ENGASE: variants seen among roughly 807,000 people sequenced by gnomAD.
ENGASE encodes the protein cytosolic endo-beta-N-acetylglucosaminidase.
In ENGASE, 69 loss-of-function variants were observed where a neutral mutation model predicts 78.5. The observed-to-expected ratio is 0.88, with a 90% CI of 0.72 to 1.07. The LOEUF is 1.07. Among genes scored for constraint, ENGASE ranks in the 50% least tolerant of loss-of-function variants. ENGASE has a pLI of 0.00. For missense variants in ENGASE, 943 were observed against 988.4 expected (o/e 0.95, Z 0.62); for synonymous variants, 408 against 408.9 (o/e 1.00, Z 0.03).
At chr17:79,085,174 C>CTT (rs1276361963) in intron 11 of ENGASE, 60 bp from the exon 12 acceptor site, 107 of 1,395,708 alleles carry the variant, frequency 7.7e-5, no homozygotes, top group Non-Finnish European at 1.0e-4. Context: ...CTTGGTGGTC[C>CTT]TTCTCAGTGC....
intron 1 of ENGASE, among the ~76,000 whole-genome samples, chr17:79,076,257 C>T (rs535968837): frequency 3.3e-5 from 5 of 152,214 alleles, no homozygotes; most frequent in Admixed American, 1.3e-4. Context: ...TGTCTTCTTA[C>T]TGCTCCTAAA....
chr17:79,082,913 C>G (rs745574859), intron 7 of ENGASE, 107 bp from the exon 8 acceptor site: 1 of 1,571,288 alleles, frequency 6.4e-7, no homozygotes, highest in East Asian at 2.3e-5. Flanking sequence ...CAGCTTCCCC[C>G]TCCCGTTTCT....
At position 79,080,379 on chromosome 17, in the gene ENGASE, C is replaced by G. The variant is rs112600989; in HGVS notation, c.723+15C>G. The G allele has an allele frequency of 6.4e-4, 1,034 of 1,610,970 alleles. 5 individuals are homozygous for G. The African/African-American group carries it at 0.011, about 17-fold the overall frequency. ...ACTCGCTGAGTGTGAGTGCCCAGCCCTCACCCACCTCCCCGCCCCTTGCTG... is the reference window on the plus strand; with the variant it reads ...ACTCGCTGAGTGTGAGTGCCCAGCCGTCACCCACCTCCCCGCCCCTTGCTG... On this transcript the variant is annotated intron_variant, in intron 5 of 13. Coordinates refer to ENST00000579016, the MANE Select transcript of ENGASE (RefSeq NM_001042573.3).
Position 79,077,448 on chromosome 17 carries a change from A to G in ENGASE, c.165A>G (p.Glu55=), listed in dbSNP as rs369137518. Residue 55 remains glutamate (E), a synonymous_variant, in exon 2 of 14, where the codon GAA becomes GAG. Coordinates refer to ENST00000579016, the MANE Select transcript of ENGASE (RefSeq NM_001042573.3). ...TGCTTAGCATCAAAGATGAAGAAGA[A>G]GAGACAGTCTTTCGAGAGGTGGTCA... The part of the protein sequence containing the change: ...RPGRSIKDEE[E]ETVFREVVSF... 1 of 1,588,842 alleles carries G rather than the reference A, an allele frequency of 6.3e-7. No individual in the cohort carries two copies. Among genetic ancestry groups the G allele is most frequent in the African/African-American group, 1.4e-5 (1 of 73,374 alleles).
rs2073307898 is a variant in ENGASE at position 79,086,307 on chromosome 17, C to CGAGTGG, written c.2192_2197dup (p.Glu731_Trp732dup). ...AGGAAGGGTTCCGGGTACCTCAGGC[C>CGAGTGG]GAGTGGGGCAGGGCAGTTCTGCTTT... On this transcript the variant is annotated inframe_insertion, in exon 14 of 14. Coordinates refer to ENST00000579016, the MANE Select transcript of ENGASE (RefSeq NM_001042573.3). The CGAGTGG allele has an allele frequency of 6.2e-7, 1 of 1,613,420 alleles. No individual in the cohort carries two copies. Among genetic ancestry groups the CGAGTGG allele is most frequent in the Non-Finnish European group, 8.5e-7 (1 of 1,180,052 alleles).
rs759204219 is a variant in ENGASE, at chr17:79,087,934, G to T, written c.*1585G>T. ...AGCAGAGACTGGGATTAGGGGTTCT[G>T]TGCTCTTGCCTAATTAGGAACATTC... On this transcript the variant is annotated 3_prime_UTR_variant, in exon 14 of 14. Coordinates refer to ENST00000579016, the MANE Select transcript of ENGASE (RefSeq NM_001042573.3). 2 of 152,194 alleles carry T rather than the reference G, an allele frequency of 1.3e-5. No homozygotes were observed. The highest frequency in any genetic ancestry group is 2.4e-5 in the African/African-American group (1 of 41,432). 9.4% of individuals were successfully genotyped at this position (152,194 alleles called of 1,614,324 possible). A position where few individuals can be genotyped will look rare whatever the true frequency, so the allele number is the denominator to read the frequency against.
rs747534138 is a variant in ENGASE, at chr17:79,085,987, A to G, written c.1870A>G (p.Ile624Val). 7 of 1,609,514 alleles carry G rather than the reference A, an allele frequency of 4.3e-6. No individual in the cohort carries two copies. The highest frequency in any genetic ancestry group is 5.9e-6 in the Non-Finnish European group (7 of 1,179,912). ...TCTGCCCCAGGTGCAGGCCGTCACC[A>G]TCTCTCACATCCGCTGGCAGCCATC... ...APLPQVQAVT[I>V]SHIRWQPSAS... The change falls in exon 14 of 14, where the codon ATC becomes GTC. Residue 624 changes from isoleucine (I) to valine (V), a missense_variant. By Grantham distance (29) the Ile-to-Val change is conservative. Coordinates refer to ENST00000579016, the MANE Select transcript of ENGASE (RefSeq NM_001042573.3).
At chr17:79,077,933 C>CTGGTGGGGG in intron 3 of ENGASE, 69 bp downstream of exon 3, 1 of 467,852 alleles carries the variant, frequency 2.1e-6, no homozygotes, top group Non-Finnish European at 4.0e-6. Context: ...GCTGGAGGGG[C>CTGGTGGGGG]GGGAGAGAGT....
rs546434303 is a variant in ENGASE, at chr17:79,082,454, G to C, written c.1038+391G>C. On this transcript the variant is annotated intron_variant, in intron 7 of 13. Transcript: ENST00000579016. ...CTCACTGCGGCTCAGGGGCGAGGAC[G>C]GGGGAGGTGCCCAGGGTTTGGGGAT... is the stretch of plus-strand genomic sequence containing the variant. 7 of 1,210,494 alleles carry C rather than the reference G, an allele frequency of 5.8e-6. No individual in the cohort carries two copies. In the East Asian group the frequency reaches 3.3e-4, roughly 57 times the overall value. The allele number at this position is 1,210,494 out of a possible 1,614,324, so 75.0% of individuals were successfully genotyped here. A position where few individuals can be genotyped will look rare whatever the true frequency, so the allele number is the denominator to read the frequency against.
rs915038629 is a variant in ENGASE at position 79,079,612 on chromosome 17, C to T, written c.540C>T (p.Ala180=). 1 of 1,613,814 alleles carries T rather than the reference C, an allele frequency of 6.2e-7. No homozygotes were observed. Among genetic ancestry groups the T allele is most frequent in the Non-Finnish European group, 8.5e-7 (1 of 1,179,950 alleles). ...TIPPVGWTNT[A]HRHGVCVLGT... The stretch of plus-strand genomic sequence containing the variant: ...CCCCAGTGGGCTGGACCAACACTGC[C>T]CACAGGCATGGGGTCTGCGTGCTGG... The change falls in exon 4 of 14, where the codon GCC becomes GCT. Residue 180 remains alanine, a synonymous_variant. Transcript: ENST00000579016.
rs2073206729 is a variant in ENGASE, at chr17:79,083,581, C to T, written c.1242C>T (p.Cys414=). 1 of 1,613,818 alleles carries T rather than the reference C, an allele frequency of 6.2e-7. No individual in the cohort carries two copies. Residue 414 remains cysteine, a synonymous_variant, in exon 9 of 14, where the codon TGC becomes TGT. Transcript: ENST00000579016. This position sits in a 1 kb window ranked among gnomAD's most constrained non-coding sequence, Gnocchi z 4.9. ...FCLGMGARRV[C]YGQEEAVGPW... ...TGGGCATGGGTGCACGGAGGGTCTG[C>T]TATGGCCAGGTGGGTGGGTGTCTTC...
Position 79,083,489 on chromosome 17 carries a change from G to A in ENGASE, c.1150G>A (p.Gly384Ser). Residue 384 changes from glycine to serine, a missense_variant, in exon 9 of 14, where the codon GGC (glycine) becomes AGC (serine). Physicochemically the swap from Gly to Ser is moderately conservative, Grantham distance 56. Coordinates refer to ENST00000579016, the MANE Select transcript of ENGASE (RefSeq NM_001042573.3). The surrounding 1 kb of genome is among the most constrained non-coding windows in gnomAD (Gnocchi z 4.9). ...DFFQNQDKFW[G>S]RLERYLPTHS... ...CCCCCATGTCTCTGGCAGGTTCTGG[G>A]GCCGACTGGAGCGTTATCTGCCCAC... 6.2e-7 allele frequency: 1 copy of A among 1,613,988 alleles called. No individual in the cohort carries two copies. Among genetic ancestry groups the A allele is most frequent in the Non-Finnish European group, 8.5e-7 (1 of 1,179,886 alleles).
Position 79,086,005 on chromosome 17 carries a change from C to T in ENGASE, c.1888C>T (p.Gln630Ter). The T allele has an allele frequency of 6.2e-7, 1 of 1,611,522 alleles. No homozygotes were observed. Reference protein sequence around the residue: ...QAVTISHIRWQPSASEREGPP... With the variant: ...QAVTISHIRW Reference sequence around the variant, plus strand: ...CGTCACCATCTCTCACATCCGCTGGCAGCCATCCGCCTCTGAGCGGGAGGG... The same window carrying T: ...CGTCACCATCTCTCACATCCGCTGGTAGCCATCCGCCTCTGAGCGGGAGGG... The change falls in exon 14 of 14, where the codon CAG (glutamine) becomes TAG (stop). Residue 630 changes from glutamine to a stop codon, truncating the protein, a stop_gained. Transcript: ENST00000579016. LOFTEE classifies it low-confidence loss of function (END_TRUNC).
At position 79,086,424 on chromosome 17, in the gene ENGASE, T is replaced by C; in HGVS notation, c.*75T>C. On this transcript the variant is annotated 3_prime_UTR_variant, in exon 14 of 14. Coordinates refer to ENST00000579016, the MANE Select transcript of ENGASE (RefSeq NM_001042573.3). ...CCGGCTGTCTGCCCCTGGCCTGCGC[T>C]GGACCTGCTAAGTGCCCACAGTGGC... The C allele has an allele frequency of 1.3e-6, 2 of 1,505,200 alleles. No individual in the cohort carries two copies. The allele number at this position is 1,505,200 out of a possible 1,614,324, so 93.2% of individuals were successfully genotyped here. A position where few individuals can be genotyped will look rare whatever the true frequency, so the allele number is the denominator to read the frequency against.
Position 79,083,079 on chromosome 17 carries a change from G to T in ENGASE, c.1098G>T (p.Val366=). Residue 366 remains valine (V), a synonymous_variant, in exon 8 of 14, where the codon GTG becomes GTT. Coordinates refer to ENST00000579016, the MANE Select transcript of ENGASE (RefSeq NM_001042573.3). The surrounding 1 kb of genome is among the most constrained non-coding windows in gnomAD (Gnocchi z 4.9). ...FSVALFAPGW[V]YECLEKKDFF... is the part of the protein sequence containing the mutation. ...TGGCTTTGTTTGCCCCCGGCTGGGT[G>T]TATGAGTGTCTGGAGAAGAAGGATT... The T allele has an allele frequency of 1.2e-6, 2 of 1,614,052 alleles. No homozygotes were observed. The highest frequency in any genetic ancestry group is 1.7e-6 in the Non-Finnish European group (2 of 1,179,966).
intron 12 of ENGASE, 113 bp from the exon 13 acceptor site, chr17:79,085,507 C>A (rs1267450616): frequency 1.4e-6 from 2 of 1,460,428 alleles, no homozygotes; most frequent in Non-Finnish European, 1.9e-6. Flanking sequence ...GGCCTGGGGT[C>A]CCCCATGACC....
At chr17:79,085,104 T>G in intron 11 of ENGASE, 130 bp from the exon 12 acceptor site, 1 of 759,884 alleles carries the variant, frequency 1.3e-6, no homozygotes, top group Non-Finnish European at 2.4e-6. Flanking sequence ...GCTGGTTGCT[T>G]CTTGGGACCC....
At chr17:79,082,480 C>G (rs1232666710) in intron 7 of ENGASE, 2 of 1,203,592 alleles carry the variant, frequency 1.7e-6, no homozygotes, top group East Asian at 1.1e-4. Flanking sequence ...GTTTGGGGAT[C>G]GGTAGGTGTC....
rs912530013 is a variant in ENGASE, at chr17:79,074,874, C to T, written c.-71C>T. ...AGCGCGGCGTCAGCGCTGCGCACTTCCCATTGGCCGAGCGCGGCGCGGGGG... is the reference window on the plus strand; with the variant it reads ...AGCGCGGCGTCAGCGCTGCGCACTTTCCATTGGCCGAGCGCGGCGCGGGGG... On this transcript the variant is annotated 5_prime_UTR_variant, in exon 1 of 14. Coordinates refer to ENST00000579016, the MANE Select transcript of ENGASE (RefSeq NM_001042573.3). 1.2e-5 allele frequency: 15 copies of T among 1,226,180 alleles called. No individual in the cohort carries two copies. The African/African-American group carries it at 2.2e-4, about 18-fold the overall frequency. 76.0% of individuals were successfully genotyped at this position (1,226,180 alleles called of 1,614,324 possible).
Sources: allele counts gnomAD v4.1 joint callset (sites outside exome capture counted in the v4.1 genomes callset), GRCh38; gene constraint gnomAD v4.1.1; non-coding constraint Gnocchi (gnomAD v3.1); transcripts MANE v1.5; gene names NCBI Gene and HGNC (gene_info 2026-07-23, HGNC 2026-07-21).